Variants in KCNJ15 observed in about 807,000 individuals in gnomAD.
The protein encoded by KCNJ15 is potassium inwardly rectifying channel subfamily J member 15.
Under a neutral mutation model 23.0 loss-of-function variants are expected in KCNJ15, and 14 were observed. The ratio of observed to expected loss-of-function variants is 0.61; its 90% CI spans 0.40 to 0.95. The LOEUF (loss-of-function observed/expected upper bound fraction) is 0.95. KCNJ15 is among the 40% of genes least tolerant of loss of function. The pLI is 0.00. For synonymous variants in KCNJ15, 185 were observed against 183.2 expected (o/e 1.01, Z -0.08); for missense variants, 388 against 461.8 (o/e 0.84, Z 1.46).
intron 1 of KCNJ15, among the ~76,000 whole-genome samples, chr21:38,290,535 A>G (rs6517457): frequency 0.77 from 116,993 of 152,112 alleles, 45,314 homozygotes; most frequent in African/African-American, 0.86. Context: ...GGGTGAGAGG[A>G]GCACCTCTCC....
At chr21:38,233,848 T>C (rs1288642733) in intron 1 of KCNJ15, among the ~76,000 whole-genome samples, 1 of 152,114 alleles carries the variant, frequency 6.6e-6, no homozygotes, top group African/African-American at 2.4e-5. Flanking sequence ...AATATTGTTA[T>C]TATACATATT....
intron 1 of KCNJ15, among the ~76,000 whole-genome samples, chr21:38,278,727 G>A (rs924701594): frequency 6.6e-6 from 1 of 152,148 alleles, no homozygotes; most frequent in Non-Finnish European, 1.5e-5. Context: ...AGATGGCATG[G>A]CATCAAGTCA....
chr21:38,272,339 G>A (rs550755522), intron 1 of KCNJ15: 66 of 152,492 alleles, frequency 4.3e-4, no homozygotes, highest in Non-Finnish European at 8.4e-4. Flanking sequence ...GGGCAGCTGG[G>A]CGGTGGGACC....
intron 1 of KCNJ15, among the ~76,000 whole-genome samples, chr21:38,258,902 G>A (rs1396144533): frequency 3.9e-5 from 6 of 152,132 alleles, no homozygotes; most frequent in Admixed American, 3.3e-4. Flanking sequence ...AACCTGAGAA[G>A]CCAACAAAAG....
intron 1 of KCNJ15, among the ~76,000 whole-genome samples, chr21:38,235,087 T>C (rs1978511923): frequency 6.6e-6 from 1 of 152,174 alleles, no homozygotes; most frequent in Non-Finnish European, 1.5e-5. Flanking sequence ...AAAAATAAAA[T>C]CAGTGTACTC....
At chr21:38,264,655 CTTTTTATCT>C (rs1981277254) in intron 1 of KCNJ15, among the ~76,000 whole-genome samples, 1 of 152,210 alleles carries the variant, frequency 6.6e-6, no homozygotes. Flanking sequence ...CAGCAGAGAC[CTTTTTATCT>C]GAAGTCTTTT....
chr21:38,292,554 T>C (rs765883453), intron 1 of KCNJ15, among the ~76,000 whole-genome samples: 1 of 152,220 alleles, frequency 6.6e-6, no homozygotes, highest in South Asian at 2.1e-4. Flanking sequence ...TTAGTCACCT[T>C]TTCTATGTTG....
intron 1 of KCNJ15, among the ~76,000 whole-genome samples, chr21:38,251,101 CT>C (rs978105780): frequency 1.1e-4 from 17 of 152,188 alleles, no homozygotes; most frequent in African/African-American, 4.1e-4. Flanking sequence ...TCCGGCGAGG[CT>C]TTCAAAGCAA....
chr21:38,262,965 A>C (rs566192632), intron 1 of KCNJ15, among the ~76,000 whole-genome samples: 54 of 152,314 alleles, frequency 3.5e-4, no homozygotes, highest in African/African-American at 1.3e-3. Flanking sequence ...GGCCTGAGCT[A>C]CCGTGCCTGG....
At chr21:38,253,426 T>G (rs1387604647), upstream of KCNJ15, among the ~76,000 whole-genome samples, 1 of 152,162 alleles carries the variant, frequency 6.6e-6, no homozygotes, top group Admixed American at 6.5e-5. Context: ...TCATTTTCAA[T>G]GCCTCTAGGA....
At chr21:38,231,102 G>A (rs1019266318) in intron 1 of KCNJ15, among the ~76,000 whole-genome samples, 4 of 151,864 alleles carry the variant, frequency 2.6e-5, no homozygotes, top group African/African-American at 9.7e-5. Flanking sequence ...TTTCAACAAC[G>A]TTTTGTAGTT....
At chr21:38,286,110 G>T (rs989349924) in intron 1 of KCNJ15, among the ~76,000 whole-genome samples, 5 of 152,158 alleles carry the variant, frequency 3.3e-5, no homozygotes, top group Non-Finnish European at 7.4e-5. Context: ...GGGCGTGGTG[G>T]CGGGTGCCTG....
intron 1 of KCNJ15, among the ~76,000 whole-genome samples, chr21:38,275,550 C>T (rs901659420): frequency 7.8e-5 from 11 of 141,010 alleles, no homozygotes; most frequent in African/African-American, 2.9e-4. Flanking sequence ...AAGCAAAAAG[C>T]AAATGGGAAA....
chr21:38,300,636 A>G lies in KCNJ15; in HGVS notation c.*247A>G. 2.2e-6 allele frequency: 1 copy of G among 449,286 alleles called. No homozygotes were observed. The highest frequency in any genetic ancestry group is 4.1e-6 in the Non-Finnish European group (1 of 244,822). The allele number at this position is 449,286 out of a possible 1,614,324, so 27.8% of individuals were successfully genotyped here. A position where few individuals can be genotyped will look rare whatever the true frequency, so the allele number is the denominator to read the frequency against. On this transcript the variant is annotated 3_prime_UTR_variant, in exon 3 of 3. Coordinates refer to ENST00000398938, the MANE Select transcript of KCNJ15 (RefSeq NM_170736.3). The stretch of plus-strand genomic sequence containing the variant: ...TTCAAATTGTATAAAATAAAGCTAC[A>G]TTTCTAAGAGCTTGGTGTAGGGCAA...
rs1427344929 is a variant in KCNJ15 at position 38,300,322 on chromosome 21, A to G, written c.1061A>G (p.Lys354Arg). 2 of 1,614,136 alleles carry G rather than the reference A, an allele frequency of 1.2e-6. No individual in the cohort carries two copies. The highest frequency in any genetic ancestry group is 1.1e-5 in the South Asian group (1 of 91,080). ...ADSEKQQLEEKYRQEDQRERE... is the reference protein window; with the variant it reads ...ADSEKQQLEERYRQEDQRERE... ...TCTGAGAAACAGCAACTCGAGGAGA[A>G]GTACAGGCAGGAGGATCAGAGGGAA... The change falls in exon 3 of 3, where the codon AAG (lysine) becomes AGG (arginine). Residue 354 changes from lysine to arginine, a missense_variant. Physicochemically the swap from Lys to Arg is conservative, Grantham distance 26. Coordinates refer to ENST00000398938, the MANE Select transcript of KCNJ15 (RefSeq NM_170736.3).
chr21:38,250,962 C>T (rs2836242), intron 1 of KCNJ15, among the ~76,000 whole-genome samples: 7,575 of 152,184 alleles, frequency 0.05, 629 homozygotes, highest in African/African-American at 0.17. Flanking sequence ...ATAGGGTCCA[C>T]GGCACACATA....
rs1223883182 is a variant in KCNJ15 at position 38,288,026 on chromosome 21, CTTTGTTTTTTT to C, written c.-116-8896_-116-8886del. Among the ~76,000 whole-genome samples, 32 of 78,202 alleles carry C rather than the reference CTTTGTTTTTTT, an allele frequency of 4.1e-4. 6 individuals carry two copies. The highest frequency in any genetic ancestry group is 1.6e-3 in the Admixed American group (8 of 4,958). 51.3% of individuals were successfully genotyped at this position (78,202 alleles called of 152,430 possible). A position where few individuals can be genotyped will look rare whatever the true frequency, so the allele number is the denominator to read the frequency against. On this transcript the variant is annotated intron_variant, in intron 1 of 2. Transcript: ENST00000398938. ...CCATTGTTAAATAACTTGTTTTTTT[CTTTGTTTTTTT>C]TTTTTTTTTTTTTTTTTTTTTGAGA... is the stretch of plus-strand genomic sequence containing the variant.
In KCNJ15 at chr21:38,301,176, TC is replaced by T. The variant is rs1985753295; in HGVS notation, c.*790del. On this transcript the variant is annotated 3_prime_UTR_variant, in exon 3 of 3. Transcript: ENST00000398938. The stretch of plus-strand genomic sequence containing the variant: ...TATTAGTAATGTGTAGATTCTCATG[TC>T]CCAGCCAGACTTACAGAATTGGGGT... 1 of 166,622 alleles carries T rather than the reference TC, an allele frequency of 6.0e-6. No individual in the cohort carries two copies. The highest frequency in any genetic ancestry group is 2.4e-5 in the African/African-American group (1 of 41,256). The allele number at this position is 166,622 out of a possible 1,614,324, so 10.3% of individuals were successfully genotyped here. A position where few individuals can be genotyped will look rare whatever the true frequency, so the allele number is the denominator to read the frequency against.
Position 38,238,779 on chromosome 21 carries a change from A to G in KCNJ15, c.-398-18267A>G, listed in dbSNP as rs1978796622. 1.2e-5 allele frequency: 4 copies of G among 333,262 alleles called. No homozygotes were observed. In the Admixed American group the frequency reaches 1.6e-4, roughly 13 times the overall value. 20.6% of individuals were successfully genotyped at this position (333,262 alleles called of 1,614,324 possible). ...AGGGGAGAAGAGTCAGAATGATTAG[A>G]TAAAAGTGCTTTCCAATATGTTATT... On this transcript the variant is annotated intron_variant, in intron 1 of 4. Transcript: ENST00000547341.
Sources: allele counts gnomAD v4.1 joint callset (sites outside exome capture counted in the v4.1 genomes callset), GRCh38; gene constraint gnomAD v4.1.1; transcripts MANE v1.5; gene names NCBI Gene and HGNC (gene_info 2026-07-23, HGNC 2026-07-21).